MYO1C: variants seen among roughly 807,000 people sequenced by gnomAD.
The protein encoded by MYO1C is unconventional myosin-Ic.
Under a neutral mutation model 150.8 loss-of-function variants are expected in MYO1C, and 104 were observed. The observed-to-expected ratio is 0.69, with a 90% CI of 0.59 to 0.81. The LOEUF (loss-of-function observed/expected upper bound fraction) is 0.81. Ranked by LOEUF, MYO1C falls within the 30% of genes least tolerant of loss-of-function variation. MYO1C has a pLI of 0.00. For synonymous variants in MYO1C, 663 were observed against 579.9 expected, an observed-to-expected ratio of 1.14 and a Z score of -2.06; for missense variants, 1,504 against 1,435.0, an observed-to-expected ratio of 1.05 and a Z score of -0.78.
intron 1 of MYO1C, chr17:1,485,940 CCGGGGGCGGGGG>C (rs946916006): frequency 6.4e-6 from 1 of 156,872 alleles, no homozygotes; most frequent in Admixed American, 6.5e-5. Context: ...GGTCCGCGGG[CCGGGGGCGGGGG>C]CGGGCTCCGC....
At position 1,470,522 on chromosome 17, in the gene MYO1C, G is replaced by C; in HGVS notation, c.2282-3C>G. 1 of 1,553,846 alleles carries C rather than the reference G, an allele frequency of 6.4e-7. No homozygotes were observed. The highest frequency in any genetic ancestry group is 8.7e-7 in the Non-Finnish European group (1 of 1,148,296). On this transcript the variant is annotated splice_region_variant and splice_polypyrimidine_tract_variant and intron_variant, in intron 22 of 31. Coordinates refer to ENST00000648651, the MANE Select transcript of MYO1C (RefSeq NM_001080779.2). ...CCACCACGACTGGATGCAGATGGCT[G>C]TCGTGGAGACCACAGATGGCTGAAC...
At chr17:1,488,611 C>G (rs1317620354) in intron 1 of MYO1C, among the ~76,000 whole-genome samples, 5 of 152,238 alleles carry the variant, frequency 3.3e-5, no homozygotes, top group Non-Finnish European at 5.9e-5. Flanking sequence ...AACCCGGGCA[C>G]TGGAACACCT....
chr17:1,487,869 C>G (rs549533625), intron 1 of MYO1C, among the ~76,000 whole-genome samples: 7 of 152,296 alleles, frequency 4.6e-5, no homozygotes, highest in Non-Finnish European at 1.0e-4. Flanking sequence ...TGCAGTGAGC[C>G]GAGATTGTGC....
intron 23 of MYO1C, 25 bp from the exon 24 acceptor site, chr17:1,470,359 TG>T: frequency 1.9e-6 from 2 of 1,037,562 alleles, no homozygotes; most frequent in Non-Finnish European, 2.7e-6. Flanking sequence ...CAGACAGGGT[TG>T]GGGGTGAGGG....
In MYO1C at chr17:1,474,882, G is replaced by A. The variant is rs770563489; in HGVS notation, c.1670-24C>T. 12 of 1,613,932 alleles carry A rather than the reference G, an allele frequency of 7.4e-6. No homozygotes were observed. The East Asian group carries it at 2.7e-4, about 36-fold the overall frequency. On this transcript the variant is annotated intron_variant, in intron 15 of 31. Coordinates refer to ENST00000648651, the MANE Select transcript of MYO1C (RefSeq NM_001080779.2). Reference sequence around the variant, plus strand: ...CCCTGGGAGGGGAGAACCGACGTGAGGTGAGACAGAGCCTCCCCGCAGGCC... The same window carrying A: ...CCCTGGGAGGGGAGAACCGACGTGAAGTGAGACAGAGCCTCCCCGCAGGCC...
In MYO1C at chr17:1,468,082, C is replaced by A. The variant is rs45598333; in HGVS notation, c.2802G>T (p.Lys934Asn). ...TGAGCAGCAGCTGCCGGGAGCGAGG[C>A]TTGTAGCCCTTGCGGTCGTATTTCA... ...PVVKYDRKGY[K>N]PRSRQLLLTP... Residue 934 changes from lysine (K) to asparagine (N), a missense_variant, in exon 28 of 32, where the codon AAG (lysine) becomes AAT (asparagine). By Grantham distance (94) the Lys-to-Asn change is moderately conservative (BLOSUM62 0). Coordinates refer to ENST00000648651, the MANE Select transcript of MYO1C (RefSeq NM_001080779.2). 1.2e-6 allele frequency: 2 copies of A among 1,613,496 alleles called. No homozygotes were observed. Among genetic ancestry groups the A allele is most frequent in the Non-Finnish European group, 1.7e-6 (2 of 1,179,950 alleles).
intron 1 of MYO1C, among the ~76,000 whole-genome samples, chr17:1,488,106 C>T (rs555055503): frequency 6.6e-6 from 1 of 152,128 alleles, no homozygotes; most frequent in South Asian, 2.1e-4. Flanking sequence ...CAGGAGCCAG[C>T]GGGGGCGCGG....
At chr17:1,488,877 C>T (rs1219677122) in intron 1 of MYO1C, among the ~76,000 whole-genome samples, 1 of 152,184 alleles carries the variant, frequency 6.6e-6, no homozygotes, top group Admixed American at 6.5e-5. Flanking sequence ...TTACTGGAAC[C>T]ACAGGGGATG....
intron 30 of MYO1C, 44 bp from the exon 31 acceptor site, chr17:1,467,385 C>T (rs1380942622): frequency 6.3e-7 from 1 of 1,597,748 alleles, no homozygotes; most frequent in Admixed American, 1.7e-5. Flanking sequence ...GGAGGCAGAC[C>T]CCCAACCCTA....
intron 1 of MYO1C, chr17:1,491,079 G>A (rs1241212477): frequency 6.6e-6 from 1 of 152,300 alleles, no homozygotes; most frequent in Non-Finnish European, 1.5e-5. Flanking sequence ...CACGCAGCGA[G>A]GCACACGGTG....
intron 17 of MYO1C, among the ~76,000 whole-genome samples, chr17:1,473,304 T>C (rs1465710461): frequency 1.3e-5 from 2 of 151,948 alleles, no homozygotes; most frequent in African/African-American, 4.8e-5. Flanking sequence ...AGGGCCCGTT[T>C]GTTATAGACC....
rs963971107 is a variant in MYO1C, at chr17:1,479,679, G to C, written c.933C>G (p.Val311=). Residue 311 remains valine (V), a synonymous_variant, in exon 8 of 32, where the codon GTC becomes GTG. Transcript: ENST00000648651. The surrounding 1 kb of genome is among the most constrained non-coding windows in gnomAD (Gnocchi z 4.2). ...VEDLLSIVAS[V]LHLGNIHFAA... is the part of the protein sequence containing the mutation. ...CAAAGTGGATGTTGCCCAAATGAAG[G>C]ACGCTGGCCACGATGCTCAGCAGGT... The C allele has an allele frequency of 1.2e-6, 2 of 1,613,032 alleles. No homozygotes were observed. Among genetic ancestry groups the C allele is most frequent in the Non-Finnish European group, 8.5e-7 (1 of 1,179,714 alleles).
intron 31 of MYO1C, among the ~76,000 whole-genome samples, chr17:1,466,301 C>T (rs1351446989): frequency 6.6e-6 from 1 of 151,902 alleles, no homozygotes; most frequent in Admixed American, 6.6e-5. Context: ...ACTGGGACTA[C>T]AGGCATACGC....
At chr17:1,471,172 C>T (rs779845652) in intron 20 of MYO1C, 25 bp from the exon 21 acceptor site, 29 of 1,613,804 alleles carry the variant, frequency 1.8e-5, no homozygotes, top group South Asian at 1.5e-4. Context: ...GTGATCAGCC[C>T]GGGGTTGCCA....
intron 2 of MYO1C, among the ~76,000 whole-genome samples, 183 bp downstream of exon 2, chr17:1,483,965 C>T (rs2074594615): frequency 6.6e-6 from 1 of 151,956 alleles, no homozygotes; most frequent in Admixed American, 6.6e-5. Flanking sequence ...TCGCTTGAAC[C>T]CGGGGGGAGG....
intron 31 of MYO1C, among the ~76,000 whole-genome samples, chr17:1,466,751 C>A (rs1325713541): frequency 6.6e-6 from 1 of 151,884 alleles, no homozygotes; most frequent in Non-Finnish European, 1.5e-5. Flanking sequence ...TCAGCCCCCA[C>A]TAGTAGCTGG....
In MYO1C at chr17:1,478,045, C is replaced by G. The variant is rs1428172093; in HGVS notation, c.1401+42G>C. The G allele has an allele frequency of 5.0e-6, 8 of 1,611,870 alleles. No individual in the cohort carries two copies. Among genetic ancestry groups the G allele is most frequent in the Non-Finnish European group, 5.9e-6 (7 of 1,178,082 alleles). On this transcript the variant is annotated intron_variant, in intron 12 of 31. Transcript: ENST00000648651. The surrounding 1 kb of genome is among the most constrained non-coding windows in gnomAD (Gnocchi z 6.3). Reference sequence around the variant, plus strand: ...TCTCCCAGGGGCCCCGATACCCAGGCTCCCCGTGGCCCACGGAGAGTGCCC... The same window carrying G: ...TCTCCCAGGGGCCCCGATACCCAGGGTCCCCGTGGCCCACGGAGAGTGCCC...
chr17:1,479,439 C>G lies in MYO1C; in HGVS notation c.1084G>C (p.Gly362Arg). ...ALTHRKIIAK[G>R]EELLSPLNLE... ...CAAGGGCCCGGCCTCACCTCCTCCCCCTTGGCGATGATCTTCCTGTGTGTC... is the reference window on the plus strand; with the variant it reads ...CAAGGGCCCGGCCTCACCTCCTCCCGCTTGGCGATGATCTTCCTGTGTGTC... The change falls in exon 9 of 32, where the codon GGG (glycine) becomes CGG (arginine). Residue 362 changes from glycine (G) to arginine (R), a missense_variant. Transcript: ENST00000648651. The surrounding 1 kb of genome is among the most constrained non-coding windows in gnomAD (Gnocchi z 4.2). The G allele has an allele frequency of 6.9e-7, 1 of 1,452,502 alleles. No homozygotes were observed. The highest frequency in any genetic ancestry group is 1.2e-5 in the South Asian group (1 of 82,254). 90.0% of individuals were successfully genotyped at this position (1,452,502 alleles called of 1,614,324 possible). A position where few individuals can be genotyped will look rare whatever the true frequency, so the allele number is the denominator to read the frequency against.
chr17:1,473,405 G>A (rs1598329057), intron 17 of MYO1C, among the ~76,000 whole-genome samples: 1 of 152,120 alleles, frequency 6.6e-6, no homozygotes, highest in South Asian at 2.1e-4. Context: ...GCGGGAGGGT[G>A]TGTAGGCATC....
Sources: allele counts gnomAD v4.1 joint callset (sites outside exome capture counted in the v4.1 genomes callset), GRCh38; gene constraint gnomAD v4.1.1; non-coding constraint Gnocchi (gnomAD v3.1); transcripts MANE v1.5; gene names NCBI Gene and HGNC (gene_info 2026-07-23, HGNC 2026-07-21).